The following TRIO variants were observed in gnomAD, a reference collection of about 807,000 sequenced individuals.
The protein encoded by TRIO is triple functional domain protein.
In TRIO, 58 loss-of-function variants were observed where a neutral mutation model predicts 351.9. That is an observed-to-expected ratio of 0.16 (90% CI 0.13 to 0.21). TRIO has a LOEUF of 0.21. Ranked by LOEUF, TRIO falls within the 10% of genes least tolerant of loss-of-function variation. The pLI is 1.00. For synonymous variants in TRIO, 1,758 were observed against 1,595.7 expected (o/e 1.10, Z -2.42); for missense variants, 3,201 against 4,027.8 (o/e 0.79, Z 5.56).
chr5:14,449,328 A>G (rs910748276), intron 34 of TRIO, among the ~76,000 whole-genome samples: 5 of 152,324 alleles, frequency 3.3e-5, no homozygotes, highest in Non-Finnish European at 1.5e-5. Flanking sequence ...AGTGGGAAGC[A>G]GAGAAAGTCC....
intron 1 of TRIO, among the ~76,000 whole-genome samples, chr5:14,264,681 T>G (rs1795556315): frequency 6.6e-6 from 1 of 152,222 alleles, no homozygotes; most frequent in African/African-American, 2.4e-5. Flanking sequence ...GCATCACTTC[T>G]AGATGCGTGC....
At chr5:14,479,797 A>C in intron 42 of TRIO, 122 bp from the exon 43 acceptor site, 1 of 809,246 alleles carries the variant, frequency 1.2e-6, no homozygotes, top group East Asian at 2.7e-5. Flanking sequence ...TAGTTAGTCT[A>C]GTGCTTTTTT....
chr5:14,465,521 T>G, intron 36 of TRIO, 24 bp from the exon 37 acceptor site: 4 of 1,588,672 alleles, frequency 2.5e-6, no homozygotes, highest in South Asian at 2.2e-5. Flanking sequence ...CCCCACCCCC[T>G]CCTTTTCTTA....
At chr5:14,191,697 A>C (rs941356506) in intron 1 of TRIO, among the ~76,000 whole-genome samples, 1 of 152,334 alleles carries the variant, frequency 6.6e-6, no homozygotes, top group African/African-American at 2.4e-5. Context: ...TGAATAGGGA[A>C]GTTAATTCTG....
At chr5:14,503,138 G>A (rs1451688783) in intron 54 of TRIO, among the ~76,000 whole-genome samples, 2 of 152,258 alleles carry the variant, frequency 1.3e-5, no homozygotes, top group Admixed American at 6.5e-5. Context: ...TGGCCCAGCA[G>A]TGCCATCAGA....
chr5:14,386,606 AG>A (rs1172314235), intron 21 of TRIO, among the ~76,000 whole-genome samples: 1 of 152,240 alleles, frequency 6.6e-6, no homozygotes, highest in Non-Finnish European at 1.5e-5. Flanking sequence ...ACTATAACAA[AG>A]GAAGCCTAAT....
chr5:14,369,350 G>C, intron 17 of TRIO, 24 bp from the exon 18 acceptor site: 1 of 1,586,040 alleles, frequency 6.3e-7, no homozygotes, highest in South Asian at 1.1e-5. Context: ...CCAAGTCTGA[G>C]CCTCAAACTT....
intron 1 of TRIO, among the ~76,000 whole-genome samples, chr5:14,157,848 A>G (rs1788209310): frequency 3.9e-5 from 6 of 152,136 alleles, no homozygotes. Context: ...TCAGTCTCCC[A>G]AAGGCTTGAG....
At chr5:14,214,942 T>C (rs1792128698) in intron 1 of TRIO, among the ~76,000 whole-genome samples, 2 of 152,244 alleles carry the variant, frequency 1.3e-5, no homozygotes, top group African/African-American at 4.8e-5. Context: ...TTGTGTTGAA[T>C]GAAGTGCCTT....
At chr5:14,237,583 C>G (rs991734254) in intron 1 of TRIO, among the ~76,000 whole-genome samples, 1 of 152,150 alleles carries the variant, frequency 6.6e-6, no homozygotes, top group Middle Eastern at 3.2e-3. Context: ...ACACCTGCTG[C>G]GGACAGCAGT....
intron 2 of TRIO, among the ~76,000 whole-genome samples, chr5:14,271,561 C>T (rs1795976088): frequency 6.6e-6 from 1 of 152,186 alleles, no homozygotes; most frequent in African/African-American, 2.4e-5. Flanking sequence ...GGACTGTCTT[C>T]TTGGGGCCTC....
At position 14,394,028 on chromosome 5, in the gene TRIO, T is replaced by TA; in HGVS notation, c.4219-10_4219-9insA. The TA allele has an allele frequency of 6.2e-7, 1 of 1,605,674 alleles. No homozygotes were observed. Among genetic ancestry groups the TA allele is most frequent in the Non-Finnish European group, 8.5e-7 (1 of 1,173,970 alleles). ...TGATAACTCTTGTTTCTTGTTTGGT[T>TA]TTAATACAGGAGATACAGCAGCGAC... On this transcript the variant is annotated splice_polypyrimidine_tract_variant and intron_variant, in intron 27 of 56. Coordinates refer to ENST00000344204, the MANE Select transcript of TRIO (RefSeq NM_007118.4).
Position 14,509,721 on chromosome 5 carries a change from A to C in TRIO, c.*1299A>C, listed in dbSNP as rs1757965214. 1 of 318,290 alleles carries C rather than the reference A, an allele frequency of 3.1e-6. No homozygotes were observed. The highest frequency in any genetic ancestry group is 4.9e-5 in the Admixed American group (1 of 20,422). The allele number at this position is 318,290 out of a possible 1,614,324, so 19.7% of individuals were successfully genotyped here. ...CCCCGCGGCTGGTACCCAATGCCCG[A>C]GTCACTGTGGCAGCATTCGCACTGG... On this transcript the variant is annotated 3_prime_UTR_variant, in exon 57 of 57. Transcript: ENST00000344204.
chr5:14,385,013 T>C (rs1031593726), intron 21 of TRIO, among the ~76,000 whole-genome samples: 1 of 152,210 alleles, frequency 6.6e-6, no homozygotes, highest in African/African-American at 2.4e-5. Flanking sequence ...TCAACTTTAC[T>C]TAATATAAGA....
chr5:14,315,052 T>C (rs1410139437), intron 8 of TRIO, among the ~76,000 whole-genome samples: 1 of 152,158 alleles, frequency 6.6e-6, no homozygotes, highest in Non-Finnish European at 1.5e-5. Context: ...CGTGTTACAA[T>C]CTGGCACAAC....
intron 1 of TRIO, among the ~76,000 whole-genome samples, chr5:14,186,639 G>C (rs1368515475): frequency 6.6e-6 from 1 of 151,908 alleles, no homozygotes; most frequent in East Asian, 1.9e-4. Context: ...GTGCAGTGGT[G>C]CAGTCTTGGC....
intron 1 of TRIO, among the ~76,000 whole-genome samples, chr5:14,207,319 CACACA>C (rs1221105975): frequency 0.38 from 5,946 of 15,600 alleles, 2,481 homozygotes; most frequent in East Asian, 0.74. Flanking sequence ...GACTGTCTCT[CACACA>C]CACACACACA....
intron 9 of TRIO, among the ~76,000 whole-genome samples, chr5:14,328,715 C>T (rs1476277395): frequency 6.6e-6 from 1 of 152,178 alleles, no homozygotes; most frequent in Non-Finnish European, 1.5e-5. Context: ...ATGCTGACAA[C>T]TACCTGTGAC....
chr5:14,275,737 A>ATCAG (rs1289953243), intron 2 of TRIO, among the ~76,000 whole-genome samples: 2 of 150,934 alleles, frequency 1.3e-5, no homozygotes. Context: ...TATTCTGGAG[A>ATCAG]TCAGTATATA....
Sources: allele counts gnomAD v4.1 joint callset (sites outside exome capture counted in the v4.1 genomes callset), GRCh38; gene constraint gnomAD v4.1.1; transcripts MANE v1.5; gene names NCBI Gene and HGNC (gene_info 2026-07-23, HGNC 2026-07-21).